The following CD101 variants were observed in gnomAD, a reference collection of about 807,000 sequenced individuals.
The protein encoded by CD101 is immunoglobulin superfamily member 2.
Under a neutral mutation model 98.2 loss-of-function variants are expected in CD101, and 76 were observed. The observed-to-expected ratio is 0.77, with a 90% CI of 0.64 to 0.94. The LOEUF (loss-of-function observed/expected upper bound fraction) is 0.94, where lower values mean the gene tolerates loss of function less well. Ranked by LOEUF, CD101 falls within the 40% of genes least tolerant of loss-of-function variation. The pLI is 0.00. For missense variants in CD101, 1,145 were observed against 1,218.8 expected (o/e 0.94, Z 0.90); for synonymous variants, 471 against 472.7 (o/e 1.00, Z 0.05).
intron 8 of CD101, among the ~76,000 whole-genome samples, chr1:117,030,982 G>C (rs959752004): frequency 1.3e-5 from 2 of 152,222 alleles, no homozygotes; most frequent in Non-Finnish European, 2.9e-5. Flanking sequence ...TTGTTTTGAA[G>C]ACCTTGTACT....
Position 117,010,767 on chromosome 1 carries a change from A to G in CD101, c.424+537A>G, listed in dbSNP as rs1280504721. Reference sequence around the variant, plus strand: ...AACTCCTACATATACTTCAGGACCCAGTTTAGATATTACCTCTTCTGTGGA... The same window carrying G: ...AACTCCTACATATACTTCAGGACCCGGTTTAGATATTACCTCTTCTGTGGA... On this transcript the variant is annotated intron_variant, in intron 2 of 9. Coordinates refer to ENST00000682167, the MANE Select transcript of CD101 (RefSeq NM_001256106.3). The surrounding 1 kb of genome is among the most constrained non-coding windows in gnomAD (Gnocchi z 5.2). Among the ~76,000 whole-genome samples the G allele has an allele frequency of 6.6e-6, 1 of 152,192 alleles. No homozygotes were observed. The highest frequency in any genetic ancestry group is 1.5e-5 in the Non-Finnish European group (1 of 68,032).
rs903503867 is a variant in CD101, at chr1:117,005,110, A to G, written c.43+3250A>G. Among the ~76,000 whole-genome samples, 9 of 152,080 alleles carry G rather than the reference A, an allele frequency of 5.9e-5. No homozygotes were observed. Among genetic ancestry groups the G allele is most frequent in the African/African-American group, 2.2e-4 (9 of 41,382 alleles). On this transcript the variant is annotated intron_variant, in intron 1 of 9. Coordinates refer to ENST00000682167, the MANE Select transcript of CD101 (RefSeq NM_001256106.3). This position sits in a 1 kb window ranked among gnomAD's most constrained non-coding sequence, Gnocchi z 4.4. ...TGCTTCCTAAATGCCCCATCTCCTA[A>G]TACCATCACCTTGGAAATTAGGTTT...
intron 4 of CD101, among the ~76,000 whole-genome samples, chr1:117,016,729 G>A (rs1039000523): frequency 3.3e-5 from 5 of 152,180 alleles, no homozygotes; most frequent in African/African-American, 9.6e-5. Flanking sequence ...ATGTTGGCAC[G>A]TGCCTGTAGT....
rs1172101683 is a variant in CD101 at position 117,004,574 on chromosome 1, A to C, written c.43+2714A>C. Among the ~76,000 whole-genome samples, 1 of 152,180 alleles carries C rather than the reference A, an allele frequency of 6.6e-6. No individual in the cohort carries two copies. Among genetic ancestry groups the C allele is most frequent in the Non-Finnish European group, 1.5e-5 (1 of 68,042 alleles). ...TCAGCCAACAAGAATATGAGCTACT[A>C]TTCAAAAGTAGCTAACCCTCTACCC... On this transcript the variant is annotated intron_variant, in intron 1 of 9. Coordinates refer to ENST00000682167, the MANE Select transcript of CD101 (RefSeq NM_001256106.3). This position sits in a 1 kb window ranked among gnomAD's most constrained non-coding sequence, Gnocchi z 4.1.
intron 9 of CD101, among the ~76,000 whole-genome samples, chr1:117,035,843 C>T (rs184351377): frequency 9.8e-5 from 15 of 152,292 alleles, no homozygotes; most frequent in Non-Finnish European, 1.8e-4. Context: ...TGAGCCACCA[C>T]GCCCGGCAGA....
rs1438872502 is a variant in CD101 at position 117,013,696 on chromosome 1, G to A, written c.1132G>A (p.Val378Met). ...AGAGGATGAAGGCGCCTACAGATGT[G>A]TGGTAGCAGAGGTCATGAAAACACG... ...GPEDEGAYRC[V>M]VAEVMKTRTG... The change falls in exon 4 of 10, where the codon GTG becomes ATG. Residue 378 changes from valine (V) to methionine (M), a missense_variant. Transcript: ENST00000682167. The A allele has an allele frequency of 6.2e-7, 1 of 1,613,990 alleles. No individual in the cohort carries two copies. The highest frequency in any genetic ancestry group is 1.1e-5 in the South Asian group (1 of 91,084).
chr1:117,034,087 G>A lies in CD101; in HGVS notation c.3052G>A (p.Asp1018Asn), dbSNP rs1553189142. Residue 1018 changes from aspartate to asparagine, a missense_variant, in exon 9 of 10, where the codon GAT becomes AAT. Transcript: ENST00000682167. The stretch of plus-strand genomic sequence containing the variant: ...AAATAGGAGGGAAGACGAGGAGGAA[G>A]ATGAAGGCAACTGAATCCCAAGAGG... Reference protein sequence around the residue: ...TTNRREDEEEDEGN With the variant: ...TTNRREDEEENEGN 6 of 1,614,032 alleles carry A rather than the reference G, an allele frequency of 3.7e-6. No individual in the cohort carries two copies. Among genetic ancestry groups the A allele is most frequent in the South Asian group, 1.1e-5 (1 of 91,078 alleles).
chr1:117,012,048 A>G lies in CD101; in HGVS notation c.841+82A>G. 1.5e-6 allele frequency: 2 copies of G among 1,307,042 alleles called. No homozygotes were observed. The highest frequency in any genetic ancestry group is 2.1e-6 in the Non-Finnish European group (2 of 955,528). The allele number at this position is 1,307,042 out of a possible 1,614,324, so 81.0% of individuals were successfully genotyped here. A position where few individuals can be genotyped will look rare whatever the true frequency, so the allele number is the denominator to read the frequency against. On this transcript the variant is annotated intron_variant, in intron 3 of 9. Coordinates refer to ENST00000682167, the MANE Select transcript of CD101 (RefSeq NM_001256106.3). The surrounding 1 kb of genome is among the most constrained non-coding windows in gnomAD (Gnocchi z 4.0). The stretch of plus-strand genomic sequence containing the variant: ...TGAGGTATGTTTTAATTTTTGTTCT[A>G]ATCTTTTGTTGGCTCTAAAAAATTG...
rs1363107243 is a variant in CD101 at position 117,033,446 on chromosome 1, G to A, written c.2825-414G>A. On this transcript the variant is annotated intron_variant, in intron 8 of 9. Coordinates refer to ENST00000682167, the MANE Select transcript of CD101 (RefSeq NM_001256106.3). This position sits in a 1 kb window ranked among gnomAD's most constrained non-coding sequence, Gnocchi z 4.8. ...TGTGTGTGAGAAAGAGTGTGTGCCTGTGTGTTGGAGGAGCAGCAGTGGGAA... is the reference window on the plus strand; with the variant it reads ...TGTGTGTGAGAAAGAGTGTGTGCCTATGTGTTGGAGGAGCAGCAGTGGGAA... Among the ~76,000 whole-genome samples, 1 of 152,026 alleles carries A rather than the reference G, an allele frequency of 6.6e-6. No homozygotes were observed. The highest frequency in any genetic ancestry group is 2.1e-4 in the South Asian group (1 of 4,822).
Position 117,022,074 on chromosome 1 carries a change from T to A in CD101, c.2428+91T>A. On this transcript the variant is annotated intron_variant, in intron 7 of 9. Coordinates refer to ENST00000682167, the MANE Select transcript of CD101 (RefSeq NM_001256106.3). The surrounding 1 kb of genome is among the most constrained non-coding windows in gnomAD (Gnocchi z 4.8). ...GTTCTATGGAGTGATTATGTGGAAGTAAAAATATGACCTAAAGTCATAGGA... is the reference window on the plus strand; with the variant it reads ...GTTCTATGGAGTGATTATGTGGAAGAAAAAATATGACCTAAAGTCATAGGA... 6 of 1,384,616 alleles carry A rather than the reference T, an allele frequency of 4.3e-6. No individual in the cohort carries two copies. Among genetic ancestry groups the A allele is most frequent in the Non-Finnish European group, 5.9e-6 (6 of 1,014,408 alleles). 85.8% of individuals were successfully genotyped at this position (1,384,616 alleles called of 1,614,324 possible).
Position 117,017,503 on chromosome 1 carries a change from C to T in CD101, c.1612+30C>T, listed in dbSNP as rs546161289. 7.0e-6 allele frequency: 11 copies of T among 1,576,136 alleles called. No individual in the cohort carries two copies. The African/African-American group carries it at 1.2e-4, about 17-fold the overall frequency. ...GTGTCAAAGGAAGTCCTTTTCTGCA[C>T]CTGTATATCACTCAATTCATTCTGC... On this transcript the variant is annotated intron_variant, in intron 5 of 9. Coordinates refer to ENST00000682167, the MANE Select transcript of CD101 (RefSeq NM_001256106.3).
rs773751244 is a variant in CD101 at position 117,025,877 on chromosome 1, C to T, written c.2797C>T (p.Arg933Trp). ...TAATCAAGCATCCGATGAGTCACAG[C>T]GGATGGTGCTCACGGTGCTGCCTTC... The part of the protein sequence containing the change: ...WINQASDESQ[R>W]MVLTVLPSEP... The change falls in exon 8 of 10, where the codon CGG (arginine) becomes TGG (tryptophan). Residue 933 changes from arginine (R) to tryptophan (W), a missense_variant. Coordinates refer to ENST00000682167, the MANE Select transcript of CD101 (RefSeq NM_001256106.3). The T allele has an allele frequency of 9.3e-6, 15 of 1,612,210 alleles. No homozygotes were observed. Among genetic ancestry groups the T allele is most frequent in the Admixed American group, 8.3e-5 (5 of 59,942 alleles).
At chr1:117,035,147 T>G (rs537965792) in intron 9 of CD101, among the ~76,000 whole-genome samples, 1 of 152,102 alleles carries the variant, frequency 6.6e-6, no homozygotes, top group Non-Finnish European at 1.5e-5. Context: ...GGGCCTACAG[T>G]CCCCTCATCT....
intron 8 of CD101, among the ~76,000 whole-genome samples, chr1:117,031,360 C>T (rs1654456008): frequency 6.6e-6 from 1 of 152,190 alleles, no homozygotes; most frequent in Non-Finnish European, 1.5e-5. Flanking sequence ...CATCATTACC[C>T]CACCATTCTA....
chr1:117,013,313 G>A, intron 3 of CD101, 93 bp from the exon 4 acceptor site: 2 of 1,385,118 alleles, frequency 1.4e-6, no homozygotes, highest in Admixed American at 2.3e-5. Flanking sequence ...TGTGATCCCT[G>A]TGACATCCTT....
At chr1:117,002,337 C>A (rs946739650) in intron 1 of CD101, among the ~76,000 whole-genome samples, 15 of 152,338 alleles carry the variant, frequency 9.8e-5, no homozygotes, top group Non-Finnish European at 1.5e-4. Flanking sequence ...TTCTAGATTT[C>A]ACCTGCGAGT....
In CD101 at chr1:117,023,358, T is replaced by A. The variant is rs1653696038; in HGVS notation, c.2428+1375T>A. 6.6e-6 allele frequency among the ~76,000 whole-genome samples: 1 copy of A among 152,310 alleles called. No homozygotes were observed. The highest frequency in any genetic ancestry group is 2.4e-5 in the African/African-American group (1 of 41,576). On this transcript the variant is annotated intron_variant, in intron 7 of 9. Transcript: ENST00000682167. The surrounding 1 kb of genome is among the most constrained non-coding windows in gnomAD (Gnocchi z 4.4). ...TCAGATCTTTTTGCATATCTAGAGA[T>A]GCCTAAAATCTTTTTTGGTGACATC... is the stretch of plus-strand genomic sequence containing the variant.
chr1:117,033,638 A>G lies in CD101; in HGVS notation c.2825-222A>G, dbSNP rs1446942201. Among the ~76,000 whole-genome samples, 3 of 152,112 alleles carry G rather than the reference A, an allele frequency of 2.0e-5. No homozygotes were observed. Among genetic ancestry groups the G allele is most frequent in the Admixed American group, 6.5e-5 (1 of 15,276 alleles). ...TCATTGGAACCTCCAGTGGTTGGAA[A>G]TCGCAGGGCAAGGGGCTGTTGCATT... On this transcript the variant is annotated intron_variant, in intron 8 of 9. Coordinates refer to ENST00000682167, the MANE Select transcript of CD101 (RefSeq NM_001256106.3). The surrounding 1 kb of genome is among the most constrained non-coding windows in gnomAD (Gnocchi z 4.8).
chr1:117,017,362 A>T lies in CD101; in HGVS notation c.1501A>T (p.Thr501Ser), dbSNP rs936774126. The change falls in exon 5 of 10, where the codon ACT becomes TCT. Residue 501 changes from threonine (T) to serine (S), a missense_variant. By Grantham distance (58) the Thr-to-Ser change is moderately conservative (BLOSUM62 1). Transcript: ENST00000682167. ...WATFQLEITF[T>S]AITDSGTYEC... Reference sequence around the variant, plus strand: ...CACCTTCCAGCTGGAGATCACCTTCACTGCCATCACAGACAGTGGCACATA... The same window carrying T: ...CACCTTCCAGCTGGAGATCACCTTCTCTGCCATCACAGACAGTGGCACATA... 2 of 1,614,242 alleles carry T rather than the reference A, an allele frequency of 1.2e-6. No individual in the cohort carries two copies. Among genetic ancestry groups the T allele is most frequent in the African/African-American group, 2.7e-5 (2 of 75,068 alleles).
Sources: gnomAD v4.1 joint callset for allele counts (sites outside exome capture counted in the v4.1 genomes callset) on GRCh38, gnomAD v4.1.1 for gene constraint, Gnocchi (gnomAD v3.1) non-coding constraint, MANE v1.5 for transcripts, NCBI Gene and HGNC (gene_info 2026-07-23, HGNC 2026-07-21) for gene names.